CPOX: variants seen among roughly 807,000 people sequenced by gnomAD.
CPOX encodes oxygen-dependent coproporphyrinogen-III oxidase, mitochondrial.
A neutral mutation model predicts 48.9 loss-of-function variants in CPOX; 24 were observed. That is an observed-to-expected ratio of 0.49 (90% CI 0.36 to 0.69). The LOEUF (loss-of-function observed/expected upper bound fraction) is 0.69, where lower values mean the gene tolerates loss of function less well. CPOX is among the 30% of genes least tolerant of loss of function. The probability of loss-of-function intolerance (pLI) is 0.00; values close to 1 mark genes in which losing one functional copy is unlikely to be tolerated. For synonymous variants in CPOX, 249 were observed against 234.6 expected (o/e 1.06, Z -0.56); for missense variants, 549 against 597.3 (o/e 0.92, Z 0.84).
At position 98,579,798 on chromosome 3, in the gene CPOX, T is replaced by C. The variant is rs1415260681; in HGVS notation, c.*885A>G. The C allele has an allele frequency of 2.0e-6, 2 of 985,274 alleles. No homozygotes were observed. Among genetic ancestry groups the C allele is most frequent in the Non-Finnish European group, 2.4e-6 (2 of 829,520 alleles). The allele number at this position is 985,274 out of a possible 1,614,324, so 61.0% of individuals were successfully genotyped here. ...TCCAAGTTTCTCATACTATATATAC[T>C]TGCTTTAAAGAAGGAAATTATTTCT... On this transcript the variant is annotated 3_prime_UTR_variant, in exon 7 of 7. Transcript: ENST00000647941.
At chr3:98,577,112 C>T (rs926670759), downstream of CPOX, among the ~76,000 whole-genome samples, 2 of 151,878 alleles carry the variant, frequency 1.3e-5, no homozygotes, top group Admixed American at 6.6e-5. Context: ...GCAGAGATAG[C>T]AGCAGCCTGA....
the CPOX span, among the ~76,000 whole-genome samples, chr3:98,573,855 G>A: frequency 1.9e-3 from 287 of 152,228 alleles, 1 homozygote; most frequent in African/African-American, 6.5e-3. Flanking sequence ...TAATATTTGA[G>A]CCTTTATTAC....
intron 6 of CPOX, 34 bp from the exon 7 acceptor site, chr3:98,580,804 A>C: frequency 6.2e-7 from 1 of 1,612,906 alleles, no homozygotes; most frequent in Non-Finnish European, 8.5e-7. Flanking sequence ...AAAAAACGTC[A>C]TAAAAAATGA....
chr3:98,572,199 T>A, the CPOX span, among the ~76,000 whole-genome samples: 1 of 152,222 alleles, frequency 6.6e-6, no homozygotes, highest in Non-Finnish European at 1.5e-5. Flanking sequence ...TGGATTTTTT[T>A]CTCCTTGTGA....
intron 5 of CPOX, among the ~76,000 whole-genome samples, chr3:98,581,836 T>G (rs1453959584): frequency 6.6e-6 from 1 of 152,128 alleles, no homozygotes; most frequent in Non-Finnish European, 1.5e-5. Context: ...GAAAAAGAAA[T>G]GCATCCCTTC....
chr3:98,571,313 G>T, the CPOX span, among the ~76,000 whole-genome samples: 3 of 152,042 alleles, frequency 2.0e-5, no homozygotes, highest in African/African-American at 7.2e-5. Context: ...CAGTTTGCTT[G>T]GTTGTCTTGT....
downstream of CPOX, among the ~76,000 whole-genome samples, chr3:98,576,435 C>T (rs1478174280): frequency 6.6e-6 from 1 of 152,188 alleles, no homozygotes; most frequent in African/African-American, 2.4e-5. Flanking sequence ...TCTCCCTTGA[C>T]ACCTGGGGAT....
intron 4 of CPOX, among the ~76,000 whole-genome samples, chr3:98,587,785 T>G (rs1296665024): frequency 6.6e-6 from 1 of 151,908 alleles, no homozygotes; most frequent in Admixed American, 6.6e-5. Context: ...CTAGCTACCA[T>G]CCTAGATATT....
At chr3:98,588,264 T>C (rs1017310501) in intron 4 of CPOX, among the ~76,000 whole-genome samples, 4 of 152,234 alleles carry the variant, frequency 2.6e-5, no homozygotes, top group Non-Finnish European at 5.9e-5. Context: ...AGAATTTCTT[T>C]AACAAATTCT....
intron 4 of CPOX, among the ~76,000 whole-genome samples, chr3:98,587,554 C>T (rs539762071): frequency 6.7e-5 from 10 of 149,714 alleles, no homozygotes; most frequent in East Asian, 3.9e-4. Flanking sequence ...GGGGGCTGAA[C>T]GTGCTAGCTT....
chr3:98,585,424 G>C lies in CPOX; in HGVS notation c.1172+17C>G, dbSNP rs140055617. The C allele has an allele frequency of 6.2e-7, 1 of 1,608,976 alleles. No homozygotes were observed. On this transcript the variant is annotated intron_variant, in intron 5 of 6. Transcript: ENST00000647941. ...CCCCCACTTAGCCATGAAAGAATTCGTTTTCCAGTCACTTACCGTCCTCTT... is the reference window on the plus strand; with the variant it reads ...CCCCCACTTAGCCATGAAAGAATTCCTTTTCCAGTCACTTACCGTCCTCTT...
chr3:98,586,363 T>C (rs1707363721), intron 4 of CPOX, among the ~76,000 whole-genome samples: 1 of 152,174 alleles, frequency 6.6e-6, no homozygotes, highest in Non-Finnish European at 1.5e-5. Context: ...CCACTAACAA[T>C]GACACCAACC....
At chr3:98,584,217 C>G (rs1707314402) in intron 5 of CPOX, among the ~76,000 whole-genome samples, 1 of 152,204 alleles carries the variant, frequency 6.6e-6, no homozygotes, top group East Asian at 1.9e-4. Context: ...CTAAATTGTC[C>G]TCTTGGGTAT....
At chr3:98,585,711 T>A in intron 4 of CPOX, 52 bp from the exon 5 acceptor site, 1 of 1,379,664 alleles carries the variant, frequency 7.2e-7, no homozygotes, top group Non-Finnish European at 1.0e-6. Context: ...AAAACAGACA[T>A]GAAAATCAAT....
chr3:98,587,922 A>C (rs1707397337), intron 4 of CPOX, among the ~76,000 whole-genome samples: 1 of 152,180 alleles, frequency 6.6e-6, no homozygotes, highest in South Asian at 2.1e-4. Context: ...AAAAACAAAC[A>C]AAAAACCAGT....
intron 3 of CPOX, 98 bp from the exon 4 acceptor site, chr3:98,588,952 A>G: frequency 5.1e-6 from 7 of 1,383,420 alleles, no homozygotes; most frequent in Non-Finnish European, 6.1e-6. Flanking sequence ...TTTTTTCAGC[A>G]TAAAATGGAT....
downstream of CPOX, among the ~76,000 whole-genome samples, chr3:98,578,484 A>C (rs1455256201): frequency 6.6e-6 from 1 of 152,206 alleles, no homozygotes; most frequent in Non-Finnish European, 1.5e-5. Flanking sequence ...ATATACAATA[A>C]AATTCCATTT....
chr3:98,574,244 CAT>C, the CPOX span, among the ~76,000 whole-genome samples: 1 of 152,190 alleles, frequency 6.6e-6, no homozygotes, highest in Non-Finnish European at 1.5e-5. Context: ...AGCTTAATGA[CAT>C]ATAAACAGCA....
At chr3:98,571,322 G>T in the CPOX span, among the ~76,000 whole-genome samples, 1 of 152,074 alleles carries the variant, frequency 6.6e-6, no homozygotes, top group Non-Finnish European at 1.5e-5. Flanking sequence ...TGGTTGTCTT[G>T]TAAAATTTCT....
Sources: gnomAD v4.1 joint callset for allele counts (sites outside exome capture counted in the v4.1 genomes callset) on GRCh38, gnomAD v4.1.1 for gene constraint, MANE v1.5 for transcripts, NCBI Gene and HGNC (gene_info 2026-07-23, HGNC 2026-07-21) for gene names.